Variants in ZNF565 observed in about 807,000 individuals in gnomAD.
ZNF565 encodes zinc finger protein 565.
A neutral mutation model predicts 39.4 loss-of-function variants in ZNF565; 27 were observed. That is an observed-to-expected ratio of 0.69 (90% CI 0.51 to 0.95). The LOEUF (loss-of-function observed/expected upper bound fraction) is 0.95. Ranked by LOEUF, ZNF565 falls within the 40% of genes least tolerant of loss-of-function variation. ZNF565 has a pLI of 0.00. For synonymous variants in ZNF565, 185 were observed against 216.6 expected, an observed-to-expected ratio of 0.85 and a Z score of 1.28; for missense variants, 524 against 621.1, an observed-to-expected ratio of 0.84 and a Z score of 1.66.
intron 1 of ZNF565, among the ~76,000 whole-genome samples, chr19:36,206,403 G>A (rs1976154750): frequency 6.6e-6 from 1 of 151,776 alleles, no homozygotes; most frequent in Admixed American, 6.6e-5. Context: ...GAGGTCAGCA[G>A]CTCAAGACCA....
intron 1 of ZNF565, among the ~76,000 whole-genome samples, chr19:36,204,760 T>C (rs1168581984): frequency 6.6e-6 from 1 of 151,428 alleles, no homozygotes; most frequent in Non-Finnish European, 1.5e-5. Flanking sequence ...GAGGCCGAGG[T>C]GGGCTGATCA....
chr19:36,232,082 C>T (rs1219555471), intron 1 of ZNF565, among the ~76,000 whole-genome samples: 3 of 151,390 alleles, frequency 2.0e-5, no homozygotes, highest in Non-Finnish European at 2.9e-5. Flanking sequence ...GCACACCTAT[C>T]GTCCCAGCTA....
intron 1 of ZNF565, among the ~76,000 whole-genome samples, chr19:36,206,393 G>C (rs1002203375): frequency 2.0e-5 from 3 of 151,876 alleles, no homozygotes; most frequent in African/African-American, 7.3e-5. Flanking sequence ...AGGATAACTT[G>C]AGGTCAGCAG....
chr19:36,191,953 G>A (rs1975563065), intron 4 of ZNF565, among the ~76,000 whole-genome samples: 1 of 151,944 alleles, frequency 6.6e-6, no homozygotes, highest in Non-Finnish European at 1.5e-5. Flanking sequence ...CTTCACAGGG[G>A]AGAAACAAGA....
chr19:36,193,763 A>G (rs1200740957), intron 4 of ZNF565, among the ~76,000 whole-genome samples: 1 of 151,996 alleles, frequency 6.6e-6, no homozygotes, highest in Admixed American at 6.6e-5. Context: ...TTTCTAAGGG[A>G]TGAAGACACT....
chr19:36,213,906 A>G (rs1376605466), intron 1 of ZNF565, among the ~76,000 whole-genome samples: 2 of 138,792 alleles, frequency 1.4e-5, no homozygotes, highest in Middle Eastern at 3.8e-3. Context: ...ACACCCAGTC[A>G]CACAATCTAC....
intron 2 of ZNF565, among the ~76,000 whole-genome samples, chr19:36,198,457 TAGA>T (rs1382781144): frequency 6.6e-6 from 1 of 151,550 alleles, no homozygotes; most frequent in Non-Finnish European, 1.5e-5. Flanking sequence ...TCATAGAGAG[TAGA>T]AGGATGATTA....
At chr19:36,185,709 A>G (rs1599910109) in intron 4 of ZNF565, among the ~76,000 whole-genome samples, 1 of 133,654 alleles carries the variant, frequency 7.5e-6, no homozygotes, top group South Asian at 2.3e-4. Context: ...ATGAAAACTC[A>G]CTCTCTATTT....
chr19:36,237,407 G>A, intron 1 of ZNF565: 1 of 1,466,122 alleles, frequency 6.8e-7, no homozygotes, highest in South Asian at 1.4e-5. Context: ...CTGAAGCAAA[G>A]CACCACGAAT....
At chr19:36,184,550 C>T (rs1975221734) in intron 4 of ZNF565, among the ~76,000 whole-genome samples, 1 of 152,002 alleles carries the variant, frequency 6.6e-6, no homozygotes, top group Non-Finnish European at 1.5e-5. Context: ...CAGGCGTGAG[C>T]CACCTCGCCT....
chr19:36,241,478 C>T (rs1191790891), intron 1 of ZNF565, among the ~76,000 whole-genome samples: 1 of 108,840 alleles, frequency 9.2e-6, no homozygotes, highest in Non-Finnish European at 1.8e-5. Context: ...GAGCAAGACT[C>T]TGTATTAAAA....
chr19:36,199,522 T>C (rs1975880522), intron 2 of ZNF565, among the ~76,000 whole-genome samples: 1 of 150,856 alleles, frequency 6.6e-6, no homozygotes, highest in Non-Finnish European at 1.5e-5. Flanking sequence ...TTTTTTTTTT[T>C]TTTGAGACAG....
chr19:36,240,078 A>G (rs1333354744), intron 1 of ZNF565, among the ~76,000 whole-genome samples: 1 of 152,148 alleles, frequency 6.6e-6, no homozygotes, highest in Non-Finnish European at 1.5e-5. Context: ...TTGCACATAT[A>G]TTTCACATTT....
At chr19:36,185,839 G>A (rs1006062434) in intron 4 of ZNF565, among the ~76,000 whole-genome samples, 1 of 142,486 alleles carries the variant, frequency 7.0e-6, no homozygotes, top group Non-Finnish European at 1.5e-5. Flanking sequence ...GATTATAGGT[G>A]CCTGCCACCA....
chr19:36,232,971 G>T (rs1445915010), intron 1 of ZNF565, among the ~76,000 whole-genome samples: 1 of 152,212 alleles, frequency 6.6e-6, no homozygotes, highest in South Asian at 2.1e-4. Flanking sequence ...CCCCCATGTG[G>T]ATTGAATAAT....
intron 4 of ZNF565, 25 bp downstream of exon 4, chr19:36,194,208 C>G: frequency 6.3e-7 from 1 of 1,590,084 alleles, no homozygotes; most frequent in Non-Finnish European, 8.6e-7. Flanking sequence ...GGGACCTTCC[C>G]CTGTCGAAAT....
chr19:36,194,878 T>C (rs1203717856), intron 3 of ZNF565, 152 bp downstream of exon 3: 1 of 1,179,034 alleles, frequency 8.5e-7, no homozygotes, highest in Non-Finnish European at 1.2e-6. Flanking sequence ...CAGCTATTGC[T>C]GGCCGGGCCT....
chr19:36,182,684 A>G lies in ZNF565; in HGVS notation c.1282T>C (p.Phe428Leu). Reference sequence around the variant, plus strand: ...TGAGTCAGTTGTGAAACACGAATAAAGGCCTTCCCACATTCCTTACATTCG... The same window carrying G: ...TGAGTCAGTTGTGAAACACGAATAAGGGCCTTCCCACATTCCTTACATTCG... Reference protein sequence around the residue: ...PYECKECGKAFIRVSQLTHHQ... With the variant: ...PYECKECGKALIRVSQLTHHQ... Residue 428 changes from phenylalanine (F) to leucine (L), a missense_variant, in exon 5 of 5, where the codon TTT becomes CTT. By Grantham distance (22) the Phe-to-Leu change is conservative. Coordinates refer to ENST00000304116, the MANE Select transcript of ZNF565 (RefSeq NM_152477.5). The G allele has an allele frequency of 6.2e-7, 1 of 1,614,228 alleles. No individual in the cohort carries two copies. The highest frequency in any genetic ancestry group is 8.5e-7 in the Non-Finnish European group (1 of 1,180,034).
chr19:36,213,282 C>CT (rs1168602673), intron 1 of ZNF565: 1 of 152,354 alleles, frequency 6.6e-6, no homozygotes, highest in Non-Finnish European at 1.5e-5. Context: ...TCAAACACGG[C>CT]TCACTGCAGC....
Sources: allele counts gnomAD v4.1 joint callset (sites outside exome capture counted in the v4.1 genomes callset), GRCh38; gene constraint gnomAD v4.1.1; transcripts MANE v1.5; gene names NCBI Gene and HGNC (gene_info 2026-07-23, HGNC 2026-07-21).